The following B4GALNT3 variants were observed in gnomAD, a reference collection of about 807,000 sequenced individuals.
The protein encoded by B4GALNT3 is beta-1,4-N-acetylgalactosaminyltransferase 3.
A neutral mutation model predicts 120.2 loss-of-function variants in B4GALNT3; 86 were observed. The observed-to-expected ratio is 0.72, with a 90% confidence interval of 0.60 to 0.86. The LOEUF is 0.86. B4GALNT3 is among the 40% of genes least tolerant of loss of function. The pLI is 0.00. For synonymous variants in B4GALNT3, 518 were observed against 510.4 expected, an observed-to-expected ratio of 1.01 and a Z score of -0.20; for missense variants, 1,167 against 1,298.9, an observed-to-expected ratio of 0.90 and a Z score of 1.56.
At chr12:500,865 C>CCTTTTTTTTTTTTTTTTTT (rs2043817132) in intron 1 of B4GALNT3, among the ~76,000 whole-genome samples, 3 of 61,814 alleles carry the variant, frequency 4.9e-5, no homozygotes, top group African/African-American at 2.2e-4. Context: ...GGCTCCACTG[C>CCTTTTTTTTTTTTTTTTTT]TTTTTTTTTT....
chr12:547,955 G>T, intron 7 of B4GALNT3, 69 bp from the exon 8 acceptor site: 3 of 1,344,368 alleles, frequency 2.2e-6, no homozygotes, highest in Non-Finnish European at 3.2e-6. Flanking sequence ...CTGGAAGGGG[G>T]TGGGACAGAG....
intron 1 of B4GALNT3, among the ~76,000 whole-genome samples, chr12:475,195 C>T (rs746343840): frequency 1.3e-5 from 2 of 152,172 alleles, no homozygotes; most frequent in Non-Finnish European, 2.9e-5. Context: ...GAAGTTTGCT[C>T]GTCTCCTGTA....
chr12:512,467 TCCGCCCAC>T (rs1946594811), intron 1 of B4GALNT3, among the ~76,000 whole-genome samples: 4 of 124,366 alleles, frequency 3.2e-5, no homozygotes, highest in African/African-American at 6.3e-5. Flanking sequence ...CCTTCCACCT[TCCGCCCAC>T]CTTCCACCTT....
chr12:474,702 G>A (rs1402084524), intron 1 of B4GALNT3, among the ~76,000 whole-genome samples: 2 of 152,088 alleles, frequency 1.3e-5, no homozygotes, highest in Non-Finnish European at 2.9e-5. Flanking sequence ...GCACACACCT[G>A]TAATCTCAGC....
intron 1 of B4GALNT3, among the ~76,000 whole-genome samples, chr12:524,072 C>CA (rs1164505124): frequency 6.6e-6 from 1 of 151,876 alleles, no homozygotes; most frequent in African/African-American, 2.4e-5. Flanking sequence ...AAAACAAAAA[C>CA]AAAAAAACAC....
chr12:512,276 C>CCTTCTTCCACCTT (rs749628163), intron 1 of B4GALNT3, among the ~76,000 whole-genome samples: 1 of 101,164 alleles, frequency 9.9e-6, no homozygotes, highest in Non-Finnish European at 1.8e-5. Flanking sequence ...CCTTCTTCCA[C>CCTTCTTCCACCTT]CTTCCACCTT....
intron 1 of B4GALNT3, among the ~76,000 whole-genome samples, chr12:517,916 G>A (rs1946672556): frequency 6.6e-6 from 1 of 152,230 alleles, no homozygotes; most frequent in Non-Finnish European, 1.5e-5. Context: ...TAACCAGGCA[G>A]TAGTGGGAAG....
intron 1 of B4GALNT3, among the ~76,000 whole-genome samples, chr12:502,232 C>T (rs745888658): frequency 4.9e-4 from 74 of 152,152 alleles, no homozygotes; most frequent in Non-Finnish European, 9.6e-4. Context: ...GGGCATGGAC[C>T]CAGTTGGCTG....
At chr12:556,029 T>C (rs7133894) in intron 14 of B4GALNT3, among the ~76,000 whole-genome samples, 43,417 of 150,962 alleles carry the variant, frequency 0.29, 8,858 homozygotes, top group African/African-American at 0.56. Context: ...GTGATCCACC[T>C]GCCTTGGCCT....
chr12:502,953 CTTG>C (rs1184782788), intron 1 of B4GALNT3, among the ~76,000 whole-genome samples: 1 of 151,890 alleles, frequency 6.6e-6, no homozygotes, highest in Non-Finnish European at 1.5e-5. Flanking sequence ...GAGATAGGTT[CTTG>C]TTGTGTTGTC....
intron 1 of B4GALNT3, among the ~76,000 whole-genome samples, chr12:466,128 C>T (rs1214403470): frequency 6.6e-6 from 1 of 152,080 alleles, no homozygotes; most frequent in Non-Finnish European, 1.5e-5. Context: ...CTGCCTGCCA[C>T]TCCCTGTCCT....
intron 14 of B4GALNT3, 126 bp downstream of exon 14, chr12:554,109 C>T (rs35249684): frequency 0.015 from 10,194 of 670,808 alleles, 86 homozygotes; most frequent in Non-Finnish European, 0.021. Context: ...ACTTTGCCCC[C>T]GACTCAGGCT....
intron 1 of B4GALNT3, among the ~76,000 whole-genome samples, chr12:521,032 G>A (rs979848110): frequency 6.6e-6 from 1 of 152,130 alleles, no homozygotes; most frequent in Non-Finnish European, 1.5e-5. Flanking sequence ...CATTTTAGGT[G>A]CCTTTGCATT....
intron 19 of B4GALNT3, among the ~76,000 whole-genome samples, 194 bp downstream of exon 19, chr12:559,615 C>T (rs1040576860): frequency 6.6e-6 from 1 of 152,054 alleles, no homozygotes; most frequent in Admixed American, 6.5e-5. Context: ...AGGGGTGTGA[C>T]TCGCCCTCTG....
chr12:460,188 G>GC lies in B4GALNT3; in HGVS notation c.-186dup, dbSNP rs988847568. 1.4e-4 allele frequency among the ~76,000 whole-genome samples: 21 copies of GC among 150,718 alleles called. No individual in the cohort carries two copies. Among genetic ancestry groups the GC allele is most frequent in the African/African-American group, 4.6e-4 (19 of 41,406 alleles). ...GAGAGACCTGCTGGGCGCCCGCGCA[G>GC]CCCGGAGACCCCTCGCGCCCGGAGC... is the stretch of plus-strand genomic sequence containing the variant. On this transcript the variant is annotated 5_prime_UTR_variant, in exon 1 of 20. Coordinates refer to ENST00000266383, the MANE Select transcript of B4GALNT3 (RefSeq NM_173593.4). This position sits in a 1 kb window ranked among gnomAD's most constrained non-coding sequence, Gnocchi z 8.0.
chr12:545,329 C>G (rs748229321), intron 5 of B4GALNT3, 40 bp from the exon 6 acceptor site: 7 of 1,577,466 alleles, frequency 4.4e-6, no homozygotes, highest in Non-Finnish European at 6.0e-6. Flanking sequence ...TATGCTGATG[C>G]CCTCCTTGCC....
chr12:474,335 C>T (rs966158179), intron 1 of B4GALNT3, among the ~76,000 whole-genome samples: 68 of 152,316 alleles, frequency 4.5e-4, no homozygotes, highest in Admixed American at 1.8e-3. Flanking sequence ...GAACTAACCC[C>T]GTCCCCTCCC....
At chr12:533,172 G>A (rs529825099) in intron 1 of B4GALNT3, among the ~76,000 whole-genome samples, 1 of 152,368 alleles carries the variant, frequency 6.6e-6, no homozygotes, top group South Asian at 2.1e-4. Flanking sequence ...GGGCTGGGAA[G>A]GGATGAGCTC....
In B4GALNT3 at chr12:550,036, TC is replaced by T; in HGVS notation, c.997+126del. Reference sequence around the variant, plus strand: ...CCAATCACCGTAGAACTTTTTATCGTCCTTGTAACATAGAACATGCATACAG... The same window carrying T: ...CCAATCACCGTAGAACTTTTTATCGTCTTGTAACATAGAACATGCATACAG... On this transcript the variant is annotated intron_variant, in intron 10 of 19. Transcript: ENST00000266383. This position sits in a 1 kb window ranked among gnomAD's most constrained non-coding sequence, Gnocchi z 4.1. The T allele has an allele frequency of 9.1e-7, 1 of 1,104,664 alleles. No individual in the cohort carries two copies. Among genetic ancestry groups the T allele is most frequent in the Non-Finnish European group, 1.3e-6 (1 of 781,098 alleles). 68.4% of individuals were successfully genotyped at this position (1,104,664 alleles called of 1,614,324 possible). A position where few individuals can be genotyped will look rare whatever the true frequency, so the allele number is the denominator to read the frequency against.
Sources: gnomAD v4.1 joint callset for allele counts (sites outside exome capture counted in the v4.1 genomes callset) on GRCh38, gnomAD v4.1.1 for gene constraint, Gnocchi (gnomAD v3.1) non-coding constraint, MANE v1.5 for transcripts, NCBI Gene and HGNC (gene_info 2026-07-23, HGNC 2026-07-21) for gene names.